LRRC4C: variants seen among roughly 807,000 people sequenced by gnomAD.
LRRC4C encodes the protein leucine rich repeat containing 4C.
In LRRC4C, 5 loss-of-function variants were observed where a neutral mutation model predicts 33.6. The ratio of observed to expected loss-of-function variants is 0.15; its 90% confidence interval spans 0.08 to 0.31. The LOEUF (loss-of-function observed/expected upper bound fraction) is 0.31, where lower values mean the gene tolerates loss of function less well. Among genes scored for constraint, LRRC4C ranks in the 10% least tolerant of loss-of-function variants. The pLI is 1.00. For synonymous variants in LRRC4C, 329 were observed against 302.0 expected (o/e 1.09, Z -0.93); for missense variants, 560 against 796.7 (o/e 0.70, Z 3.58).
At chr11:40,494,097 C>T (rs1954302610) in intron 3 of LRRC4C, among the ~76,000 whole-genome samples, 1 of 152,090 alleles carries the variant, frequency 6.6e-6, no homozygotes, top group African/African-American at 2.4e-5. Flanking sequence ...AAGAATCCTT[C>T]TCCATATTGC....
At chr11:40,126,124 G>A (rs898802725) in intron 6 of LRRC4C, among the ~76,000 whole-genome samples, 1 of 148,344 alleles carries the variant, frequency 6.7e-6, no homozygotes. Flanking sequence ...ACTCTGCAAT[G>A]TTTCTAGAAA....
intron 3 of LRRC4C, among the ~76,000 whole-genome samples, chr11:40,518,320 G>A (rs1417794492): frequency 2.0e-5 from 3 of 152,098 alleles, no homozygotes; most frequent in African/African-American, 7.2e-5. Context: ...AGAGTGAACA[G>A]GCAACCTACA....
chr11:40,575,402 A>G (rs943476160), intron 3 of LRRC4C, among the ~76,000 whole-genome samples: 1 of 151,268 alleles, frequency 6.6e-6, no homozygotes, highest in South Asian at 2.1e-4. Context: ...AAAAAAAAAA[A>G]GCTTTCCTGA....
At chr11:41,384,474 G>C (rs1304519935) in intron 1 of LRRC4C, among the ~76,000 whole-genome samples, 1 of 151,612 alleles carries the variant, frequency 6.6e-6, no homozygotes, top group Non-Finnish European at 1.5e-5. Flanking sequence ...GAAAGAAATA[G>C]CAATCTTATC....
At chr11:40,556,957 G>A (rs1262360874) in intron 3 of LRRC4C, among the ~76,000 whole-genome samples, 1 of 151,766 alleles carries the variant, frequency 6.6e-6, no homozygotes, top group Non-Finnish European at 1.5e-5. Flanking sequence ...TATAATTTAG[G>A]CATCATACTC....
intron 1 of LRRC4C, among the ~76,000 whole-genome samples, chr11:41,041,530 G>T (rs1358986317): frequency 1.4e-5 from 2 of 147,850 alleles, no homozygotes; most frequent in African/African-American, 2.5e-5. Context: ...TAGTACTCTA[G>T]ATTTTATAAA....
chr11:41,210,577 C>T (rs1946783029), intron 1 of LRRC4C, among the ~76,000 whole-genome samples: 1 of 152,026 alleles, frequency 6.6e-6, no homozygotes, highest in Non-Finnish European at 1.5e-5. Flanking sequence ...TACAATGATC[C>T]TTTGGTCATA....
At chr11:41,263,708 G>T (rs564484793) in intron 1 of LRRC4C, among the ~76,000 whole-genome samples, 1 of 152,096 alleles carries the variant, frequency 6.6e-6, no homozygotes, top group Non-Finnish European at 1.5e-5. Flanking sequence ...AGGTCATTCG[G>T]GTAACAGTCA....
chr11:40,896,889 T>C (rs1231227140), intron 2 of LRRC4C, among the ~76,000 whole-genome samples: 1 of 152,110 alleles, frequency 6.6e-6, no homozygotes, highest in Non-Finnish European at 1.5e-5. Flanking sequence ...ATCACAGAAG[T>C]GAGATAGATA....
chr11:40,909,977 C>T (rs1157014875), intron 2 of LRRC4C, among the ~76,000 whole-genome samples: 1 of 152,096 alleles, frequency 6.6e-6, no homozygotes, highest in Admixed American at 6.6e-5. Context: ...TGTGCATTCC[C>T]TATTTTTCCT....
intron 2 of LRRC4C, among the ~76,000 whole-genome samples, chr11:40,916,734 A>C (rs1368148736): frequency 6.6e-6 from 1 of 151,786 alleles, no homozygotes; most frequent in Non-Finnish European, 1.5e-5. Flanking sequence ...AAAAATAAAA[A>C]AATTTCAGAA....
At chr11:41,020,225 C>T (rs560147874) in intron 1 of LRRC4C, among the ~76,000 whole-genome samples, 5 of 152,196 alleles carry the variant, frequency 3.3e-5, no homozygotes, top group Admixed American at 6.5e-5. Context: ...TCTCCTTAAA[C>T]CATTTTAATG....
At position 41,098,835 on chromosome 11, in the gene LRRC4C, A is replaced by G. The variant is rs185301723; in HGVS notation, c.-495-165112T>C. ...GTTAGCAGAAGACAGAAAATAACCA[A>G]TATCAGAGCTGAACTGAAGGAAATT... is the stretch of plus-strand genomic sequence containing the variant. On this transcript the variant is annotated intron_variant, in intron 1 of 6. Transcript: ENST00000528697. Among the ~76,000 whole-genome samples, 1,098 of 152,274 alleles carry G rather than the reference A, an allele frequency of 7.2e-3. 19 individuals carry two copies. Among genetic ancestry groups the G allele is most frequent in the South Asian group, 0.041 (200 of 4,830 alleles).
Position 40,916,105 on chromosome 11 carries a change from C to T in LRRC4C, c.-407+17530G>A, listed in dbSNP as rs534502123. ...CACTTTTACACTGTTGGTGGGACTG[C>T]AAACTAGTTCAACCATTGTGGAAGT... On this transcript the variant is annotated intron_variant, in intron 2 of 6. Transcript: ENST00000528697. 2.1e-4 allele frequency among the ~76,000 whole-genome samples: 32 copies of T among 152,162 alleles called. 1 individual carries two copies. Among genetic ancestry groups the T allele is most frequent in the East Asian group, 1.9e-3 (10 of 5,174 alleles).
At chr11:40,612,927 G>C (rs1565559439) in intron 3 of LRRC4C, among the ~76,000 whole-genome samples, 1 of 151,882 alleles carries the variant, frequency 6.6e-6, no homozygotes, top group Non-Finnish European at 1.5e-5. Flanking sequence ...ATATAGTAGT[G>C]TTTTAAGTGT....
chr11:41,422,924 G>T (rs1270213169), intron 1 of LRRC4C, among the ~76,000 whole-genome samples: 1 of 152,012 alleles, frequency 6.6e-6, no homozygotes. Context: ...TTTTTAAAAA[G>T]CATTTTCTAC....
At chr11:40,442,408 G>C (rs1188241804) in intron 3 of LRRC4C, among the ~76,000 whole-genome samples, 4 of 152,048 alleles carry the variant, frequency 2.6e-5, no homozygotes, top group African/African-American at 7.2e-5. Flanking sequence ...TACTAAAAAA[G>C]GCCCCTGGAA....
chr11:40,615,636 G>C (rs975473111), intron 3 of LRRC4C, among the ~76,000 whole-genome samples: 1 of 151,670 alleles, frequency 6.6e-6, no homozygotes. Flanking sequence ...AGTTAGAAAG[G>C]TGAGGGCATT....
intron 3 of LRRC4C, among the ~76,000 whole-genome samples, chr11:40,577,820 G>GTTTTCTT (rs1258662254): frequency 9.1e-5 from 13 of 142,552 alleles, no homozygotes; most frequent in African/African-American, 3.3e-4. Flanking sequence ...TTGTTTGTTT[G>GTTTTCTT]TTTTCTTTTT....
Sources: allele counts gnomAD v4.1 joint callset (sites outside exome capture counted in the v4.1 genomes callset), GRCh38; gene constraint gnomAD v4.1.1; transcripts MANE v1.5; gene names NCBI Gene and HGNC (gene_info 2026-07-23, HGNC 2026-07-21).